The following SGCZ variants were observed in gnomAD, a reference collection of about 807,000 sequenced individuals.
SGCZ encodes sarcoglycan zeta, also known as zeta-sarcoglycan.
A neutral mutation model predicts 41.3 loss-of-function variants in SGCZ; 40 were observed. The ratio of observed to expected loss-of-function variants is 0.97; its 90% CI spans 0.75 to 1.26. SGCZ has a LOEUF of 1.26. Ranked by LOEUF, SGCZ falls within the 50% of genes most tolerant of loss-of-function variation. SGCZ has a pLI of 0.00. For synonymous variants in SGCZ, 206 were observed against 137.5 expected, an observed-to-expected ratio of 1.50 and a Z score of -3.49; for missense variants, 552 against 369.8, an observed-to-expected ratio of 1.49 and a Z score of -4.04.
intron 2 of SGCZ, among the ~76,000 whole-genome samples, chr8:14,402,885 G>T (rs1799116246): frequency 6.7e-6 from 1 of 149,672 alleles, no homozygotes; most frequent in Non-Finnish European, 1.5e-5. Context: ...TGGGCAGTAT[G>T]GCCATTTTCA....
intron 1 of SGCZ, among the ~76,000 whole-genome samples, chr8:14,674,087 G>T (rs1223463594): frequency 3.9e-5 from 6 of 152,016 alleles, no homozygotes; most frequent in Non-Finnish European, 8.8e-5. Flanking sequence ...TTAGAAATTA[G>T]TATAAACTGT....
chr8:15,218,267 TTAAAAGAATCCTATA>T (rs1801482933), intron 1 of SGCZ, among the ~76,000 whole-genome samples: 1 of 152,148 alleles, frequency 6.6e-6, no homozygotes, highest in South Asian at 2.1e-4. Flanking sequence ...GAAGAGTTAT[TTAAAAGAATCCTATA>T]TAAAAGAGCC....
At chr8:14,560,725 A>G (rs1804182744) in intron 1 of SGCZ, among the ~76,000 whole-genome samples, 1 of 152,198 alleles carries the variant, frequency 6.6e-6, no homozygotes, top group South Asian at 2.1e-4. Context: ...CACAACTACA[A>G]AGAAAATTGT....
intron 1 of SGCZ, among the ~76,000 whole-genome samples, chr8:14,652,346 A>AGGGGGG (rs200127643): frequency 1.2e-4 from 6 of 50,686 alleles, no homozygotes; most frequent in Non-Finnish European, 1.7e-4. Flanking sequence ...AAAAAAAAAA[A>AGGGGGG]GGGGGGGGTG....
intron 1 of SGCZ, among the ~76,000 whole-genome samples, chr8:14,706,822 T>G (rs1809345263): frequency 6.6e-6 from 1 of 152,088 alleles, no homozygotes; most frequent in Non-Finnish European, 1.5e-5. Flanking sequence ...ATGACTCTCA[T>G]GTGCTTATCA....
chr8:14,160,856 G>T (rs1057138168), intron 5 of SGCZ, among the ~76,000 whole-genome samples: 3 of 152,144 alleles, frequency 2.0e-5, no homozygotes, highest in Admixed American at 2.0e-4. Context: ...CTTTGCCTCA[G>T]ATATACAGAC....
At chr8:15,065,415 AATTATTATTATTATTATTATT>A (rs200765691) in intron 1 of SGCZ, among the ~76,000 whole-genome samples, 2 of 137,476 alleles carry the variant, frequency 1.5e-5, no homozygotes, top group Non-Finnish European at 3.1e-5. Flanking sequence ...ATGGTATTGT[AATTATTATTATTATTATTATT>A]ATTATTATTA....
At chr8:14,770,424 T>C (rs1319228239) in intron 1 of SGCZ, among the ~76,000 whole-genome samples, 1 of 151,734 alleles carries the variant, frequency 6.6e-6, no homozygotes, top group East Asian at 1.9e-4. Flanking sequence ...GAGGTCAGTA[T>C]ATTATTTGGG....
At chr8:14,310,835 T>C (rs1010150759) in intron 3 of SGCZ, among the ~76,000 whole-genome samples, 2 of 152,070 alleles carry the variant, frequency 1.3e-5, no homozygotes, top group Non-Finnish European at 2.9e-5. Context: ...TAATAGAAAA[T>C]TCGGAAAAAC....
At chr8:14,626,274 A>G (rs979939392) in intron 1 of SGCZ, among the ~76,000 whole-genome samples, 2 of 152,032 alleles carry the variant, frequency 1.3e-5, no homozygotes, top group African/African-American at 4.8e-5. Context: ...TAAGCCCCGC[A>G]TACATCAGCT....
intron 1 of SGCZ, among the ~76,000 whole-genome samples, chr8:15,097,173 C>T (rs1326730378): frequency 2.6e-5 from 4 of 152,044 alleles, no homozygotes; most frequent in African/African-American, 9.7e-5. Context: ...ACGTAAAGCC[C>T]ATAAGTCTTG....
In SGCZ at chr8:15,124,324, A is replaced by G. The variant is rs956014725; in HGVS notation, c.39+113261T>C. On this transcript the variant is annotated intron_variant, in intron 1 of 7. Coordinates refer to ENST00000382080, the MANE Select transcript of SGCZ (RefSeq NM_139167.4). ...AAAAAGAATGTGTTTATCTTTGAGGAGTAAATTAACCTTGGCAAGGAAGAA... is the reference window on the plus strand; with the variant it reads ...AAAAAGAATGTGTTTATCTTTGAGGGGTAAATTAACCTTGGCAAGGAAGAA... Among the ~76,000 whole-genome samples, 5 of 152,144 alleles carry G rather than the reference A, an allele frequency of 3.3e-5. 1 individual carries two copies.
At chr8:14,695,505 G>C (rs1280039331) in intron 1 of SGCZ, among the ~76,000 whole-genome samples, 4 of 152,022 alleles carry the variant, frequency 2.6e-5, no homozygotes, top group African/African-American at 9.7e-5. Flanking sequence ...GATGCAACTG[G>C]GGTGTCACTA....
intron 3 of SGCZ, among the ~76,000 whole-genome samples, chr8:14,239,092 T>A (rs1032839026): frequency 2.0e-5 from 3 of 152,026 alleles, no homozygotes; most frequent in African/African-American, 7.2e-5. Flanking sequence ...ATCTAAAATA[T>A]TTAAAATTAA....
intron 1 of SGCZ, among the ~76,000 whole-genome samples, chr8:14,676,814 T>C (rs1808292759): frequency 1.3e-5 from 2 of 152,124 alleles, no homozygotes; most frequent in Admixed American, 1.3e-4. Context: ...AAAGCGTATT[T>C]TCTAAGCTTA....
At chr8:15,183,697 G>A (rs1800246429) in intron 1 of SGCZ, among the ~76,000 whole-genome samples, 1 of 152,174 alleles carries the variant, frequency 6.6e-6, no homozygotes, top group South Asian at 2.1e-4. Flanking sequence ...TGCCATCTAT[G>A]TTACTTATGA....
At chr8:14,091,841 C>T (rs1042760042) in intron 7 of SGCZ, among the ~76,000 whole-genome samples, 1 of 151,828 alleles carries the variant, frequency 6.6e-6, no homozygotes. Context: ...TAATTAGATC[C>T]CATTTGTCGT....
In SGCZ at chr8:15,114,848, G is replaced by A. The variant is rs553581073; in HGVS notation, c.39+122737C>T. On this transcript the variant is annotated intron_variant, in intron 1 of 7. Coordinates refer to ENST00000382080, the MANE Select transcript of SGCZ (RefSeq NM_139167.4). ...CAGACAAAAATGTCAGAGTGAACTC[G>A]AACACTTCAGTTCTGATTCTAAATC... is the stretch of plus-strand genomic sequence containing the variant. Among the ~76,000 whole-genome samples, 15 of 151,060 alleles carry A rather than the reference G, an allele frequency of 9.9e-5. No homozygotes were observed. The East Asian group carries it at 1.4e-3, about 14-fold the overall frequency.
chr8:14,586,715 C>T (rs1209611630), intron 1 of SGCZ, among the ~76,000 whole-genome samples: 1 of 152,104 alleles, frequency 6.6e-6, no homozygotes, highest in Non-Finnish European at 1.5e-5. Flanking sequence ...GATGACAATA[C>T]TGGTACTAAA....
Sources: gnomAD v4.1 joint callset for allele counts (sites outside exome capture counted in the v4.1 genomes callset) on GRCh38, gnomAD v4.1.1 for gene constraint, MANE v1.5 for transcripts, NCBI Gene and HGNC (gene_info 2026-07-23, HGNC 2026-07-21) for gene names.